The following ZNF804B variants were observed in gnomAD, a reference collection of about 807,000 sequenced individuals.
The protein encoded by ZNF804B is zinc finger protein 804B, also known as zinc finger 804B.
Under a neutral mutation model 101.4 loss-of-function variants are expected in ZNF804B, and 80 were observed. The observed-to-expected ratio is 0.79, with a 90% CI of 0.66 to 0.95. ZNF804B has a LOEUF of 0.95. Among genes scored for constraint, ZNF804B ranks in the 40% least tolerant of loss-of-function variants. The pLI, the probability that ZNF804B is intolerant of heterozygous loss-of-function variation, is 0.00. For synonymous variants in ZNF804B, 622 were observed against 558.8 expected (o/e 1.11, Z -1.59); for missense variants, 1,673 against 1,561.9 (o/e 1.07, Z -1.20).
intron 1 of ZNF804B, among the ~76,000 whole-genome samples, chr7:88,968,490 T>C (rs1375037159): frequency 6.6e-6 from 1 of 151,656 alleles, no homozygotes; most frequent in Non-Finnish European, 1.5e-5. Flanking sequence ...TTCCTAGGCT[T>C]AAACATTTTA....
At chr7:88,964,982 A>G (rs1562845519) in intron 1 of ZNF804B, among the ~76,000 whole-genome samples, 1 of 151,458 alleles carries the variant, frequency 6.6e-6, no homozygotes, top group Non-Finnish European at 1.5e-5. Context: ...TGTTGAAGAA[A>G]ATTTATTTTA....
intron 1 of ZNF804B, among the ~76,000 whole-genome samples, chr7:89,170,995 G>A (rs571858894): frequency 1.3e-5 from 2 of 152,106 alleles, no homozygotes; most frequent in African/African-American, 2.4e-5. Context: ...AATCTGGCAT[G>A]ATCAAATCCT....
intron 1 of ZNF804B, among the ~76,000 whole-genome samples, chr7:88,908,655 C>A (rs576471523): frequency 1.3e-5 from 2 of 151,798 alleles, no homozygotes; most frequent in East Asian, 3.9e-4. Context: ...TTCAAACACC[C>A]CCACCCACAT....
At chr7:89,268,637 G>A (rs925369936) in intron 2 of ZNF804B, among the ~76,000 whole-genome samples, 7 of 151,506 alleles carry the variant, frequency 4.6e-5, no homozygotes, top group African/African-American at 1.5e-4. Context: ...GTCTTGTAAT[G>A]GGATTCAACA....
At chr7:88,907,222 G>T (rs1157822738) in intron 1 of ZNF804B, among the ~76,000 whole-genome samples, 4 of 152,018 alleles carry the variant, frequency 2.6e-5, no homozygotes, top group African/African-American at 9.7e-5. Flanking sequence ...AAGCCTGTGG[G>T]TGTTGTTATG....
chr7:88,783,238 G>T (rs1790255824), intron 1 of ZNF804B, among the ~76,000 whole-genome samples: 1 of 152,134 alleles, frequency 6.6e-6, no homozygotes, highest in Non-Finnish European at 1.5e-5. Context: ...CATGTCGTTT[G>T]TGCTTTGTGA....
intron 1 of ZNF804B, among the ~76,000 whole-genome samples, chr7:88,852,298 C>G (rs1238605254): frequency 1.3e-5 from 2 of 152,054 alleles, no homozygotes; most frequent in East Asian, 3.9e-4. Flanking sequence ...ATATTTCTTA[C>G]TATGAGTCAT....
rs562955773 is a variant in ZNF804B, at chr7:89,268,474, G to T, written c.249+50179G>T. Among the ~76,000 whole-genome samples the T allele has an allele frequency of 2.6e-5, 4 of 151,930 alleles. 1 individual carries two copies. The highest frequency in any genetic ancestry group is 2.0e-4 in the Admixed American group (3 of 15,200). On this transcript the variant is annotated intron_variant, in intron 2 of 3. Transcript: ENST00000333190. ...CAACATTGCAAACATTTCATGACGA[G>T]ATCTTTCTTAAACTATTCCAACAGC...
intron 1 of ZNF804B, among the ~76,000 whole-genome samples, chr7:89,083,916 T>G (rs1405653690): frequency 6.6e-6 from 1 of 151,938 alleles, no homozygotes; most frequent in East Asian, 1.9e-4. Context: ...GGAGTCAATA[T>G]AACACTGTGA....
Position 88,759,913 on chromosome 7 carries a change from G to T in ZNF804B, c.-64G>T. 2 of 1,456,948 alleles carry T rather than the reference G, an allele frequency of 1.4e-6. No individual in the cohort carries two copies. Among genetic ancestry groups the T allele is most frequent in the East Asian group, 2.3e-5 (1 of 43,776 alleles). 90.3% of individuals were successfully genotyped at this position (1,456,948 alleles called of 1,614,324 possible). On this transcript the variant is annotated 5_prime_UTR_variant, in exon 1 of 4. Coordinates refer to ENST00000333190, the MANE Select transcript of ZNF804B (RefSeq NM_181646.5). ...AGTCGCTGTTGCCGCTGAGAAACCCGCCCGCTTTCCACGGCTGGTCGCCTG... is the reference window on the plus strand; with the variant it reads ...AGTCGCTGTTGCCGCTGAGAAACCCTCCCGCTTTCCACGGCTGGTCGCCTG...
At chr7:89,051,180 G>A (rs1236126799) in intron 1 of ZNF804B, among the ~76,000 whole-genome samples, 2 of 151,916 alleles carry the variant, frequency 1.3e-5, no homozygotes, top group Non-Finnish European at 2.9e-5. Flanking sequence ...ATCCTTGCCT[G>A]TGTGTAGGTG....
chr7:89,130,612 G>A (rs1790533340), intron 1 of ZNF804B, among the ~76,000 whole-genome samples: 1 of 152,068 alleles, frequency 6.6e-6, no homozygotes, highest in South Asian at 2.1e-4. Context: ...AAATGAATAC[G>A]AGAGAAGACA....
rs191054832 is a variant in ZNF804B, at chr7:89,269,080, A to G, written c.249+50785A>G. Among the ~76,000 whole-genome samples the G allele has an allele frequency of 2.6e-3, 400 of 152,130 alleles. 3 individuals carry two copies. The highest frequency in any genetic ancestry group is 9.2e-3 in the African/African-American group (382 of 41,496). ...TAACATGTTTTCTTCTTTGTTTATT[A>G]TACTTTAAGTTCTAGGGTACATGTG... On this transcript the variant is annotated intron_variant, in intron 2 of 3. Transcript: ENST00000333190.
Position 89,119,667 on chromosome 7 carries a change from A to G in ZNF804B, c.109-98488A>G, listed in dbSNP as rs569236504. Among the ~76,000 whole-genome samples, 33 of 152,300 alleles carry G rather than the reference A, an allele frequency of 2.2e-4. No individual in the cohort carries two copies. In the South Asian group the frequency reaches 6.0e-3, roughly 28 times the overall value. On this transcript the variant is annotated intron_variant, in intron 1 of 3. Coordinates refer to ENST00000333190, the MANE Select transcript of ZNF804B (RefSeq NM_181646.5). ...GCATGTGTCTGGTCTAGGGAATTCA[A>G]GTGAAGAGAATTCAAAATTAGAATG... is the stretch of plus-strand genomic sequence containing the variant.
At chr7:89,325,379 C>A (rs12704465) in intron 2 of ZNF804B, among the ~76,000 whole-genome samples, 13,218 of 151,930 alleles carry the variant, frequency 0.087, 1,765 homozygotes, top group East Asian at 0.69. Flanking sequence ...ATTGTGTACA[C>A]CCTTATTAAG....
At position 89,054,176 on chromosome 7, in the gene ZNF804B, G is replaced by C. The variant is rs1354157406; in HGVS notation, c.109-163979G>C. Among the ~76,000 whole-genome samples, 3 of 151,790 alleles carry C rather than the reference G, an allele frequency of 2.0e-5. No individual in the cohort carries two copies. The East Asian group carries it at 5.8e-4, about 29-fold the overall frequency. On this transcript the variant is annotated intron_variant, in intron 1 of 3. Coordinates refer to ENST00000333190, the MANE Select transcript of ZNF804B (RefSeq NM_181646.5). The stretch of plus-strand genomic sequence containing the variant: ...GTAGTTAGCCTGGTTCTCTCCTGCT[G>C]TGTTCTTCTCTTCTCTGGCATTTGC...
Position 89,335,152 on chromosome 7 carries a change from A to G in ZNF804B, c.2170A>G (p.Ser724Gly). The change falls in exon 4 of 4, where the codon AGT (serine) becomes GGT (glycine). Residue 724 changes from serine to glycine, a missense_variant. Physicochemically the swap from Ser to Gly is moderately conservative, Grantham distance 56. Coordinates refer to ENST00000333190, the MANE Select transcript of ZNF804B (RefSeq NM_181646.5). The stretch of plus-strand genomic sequence containing the variant: ...CCCTAGCAGCATGTCTAGCTTGAGA[A>G]GTACTTGTTCAAGTCATAGATTCAA... ...TSPSSMSSLR[S>G]TCSSHRFNGN... The G allele has an allele frequency of 1.2e-6, 2 of 1,613,904 alleles. No individual in the cohort carries two copies. The highest frequency in any genetic ancestry group is 8.5e-7 in the Non-Finnish European group (1 of 1,179,920).
At chr7:88,900,382 G>T (rs1336819566) in intron 1 of ZNF804B, among the ~76,000 whole-genome samples, 1 of 151,542 alleles carries the variant, frequency 6.6e-6, no homozygotes, top group Admixed American at 6.6e-5. Flanking sequence ...GATTTTACTT[G>T]CTTTAAAAAA....
intron 1 of ZNF804B, among the ~76,000 whole-genome samples, chr7:88,992,590 G>A (rs1443688771): frequency 6.6e-6 from 1 of 152,062 alleles, no homozygotes; most frequent in African/African-American, 2.4e-5. Flanking sequence ...TAGAGAAAAT[G>A]ACTTTTAAAT....
Sources: allele counts gnomAD v4.1 joint callset (sites outside exome capture counted in the v4.1 genomes callset), GRCh38; gene constraint gnomAD v4.1.1; transcripts MANE v1.5; gene names NCBI Gene and HGNC (gene_info 2026-07-23, HGNC 2026-07-21).